Variants in TLCD4 observed in about 807,000 individuals in gnomAD.
TLCD4 encodes TLC domain-containing protein 4.
Under a neutral mutation model 24.2 loss-of-function variants are expected in TLCD4, and 7 were observed. The observed-to-expected ratio is 0.29, with a 90% CI of 0.16 to 0.54. The LOEUF (loss-of-function observed/expected upper bound fraction) is 0.54, where lower values mean the gene tolerates loss of function less well. Ranked by LOEUF, TLCD4 falls within the 20% of genes least tolerant of loss-of-function variation. The pLI, the probability that TLCD4 is intolerant of heterozygous loss-of-function variation, is 0.95. For missense variants in TLCD4, 259 were observed against 313.9 expected (o/e 0.82, Z 1.32); for synonymous variants, 103 against 106.4 (o/e 0.97, Z 0.20).
At chr1:95,191,037 G>A (rs1468509752) in intron 6 of TLCD4, among the ~76,000 whole-genome samples, 1 of 152,048 alleles carries the variant, frequency 6.6e-6, no homozygotes, top group Admixed American at 6.5e-5. Flanking sequence ...ATCTAAAATA[G>A]CACCACCAGA....
the TLCD4 span, among the ~76,000 whole-genome samples, chr1:95,103,793 A>C: frequency 6.6e-6 from 1 of 152,204 alleles, no homozygotes; most frequent in Non-Finnish European, 1.5e-5. Context: ...CAGAATTTAC[A>C]CAATTGTTTT....
the TLCD4 span, among the ~76,000 whole-genome samples, chr1:95,102,777 C>A: frequency 6.6e-6 from 1 of 151,998 alleles, no homozygotes; most frequent in African/African-American, 2.4e-5. Context: ...AGCTAAGAAT[C>A]AAAGCAGAAA....
intron 6 of TLCD4, among the ~76,000 whole-genome samples, chr1:95,190,279 T>G (rs1678981465): frequency 6.6e-6 from 1 of 151,710 alleles, no homozygotes; most frequent in Non-Finnish European, 1.5e-5. Flanking sequence ...AATTTTGTAT[T>G]TTTAGTAGAG....
chr1:95,149,971 A>G (rs1217247107), intron 3 of TLCD4, among the ~76,000 whole-genome samples: 1 of 152,178 alleles, frequency 6.6e-6, no homozygotes, highest in Non-Finnish European at 1.5e-5. Context: ...CTTTGTAACT[A>G]TCTTACTATG....
At chr1:95,133,332 T>C (rs1676949185) in intron 1 of TLCD4, among the ~76,000 whole-genome samples, 1 of 151,546 alleles carries the variant, frequency 6.6e-6, no homozygotes, top group African/African-American at 2.4e-5. Context: ...CATGTATACA[T>C]ATGTAACAAA....
upstream of TLCD4, among the ~76,000 whole-genome samples, chr1:95,114,147 A>G (rs186728397): frequency 2.0e-5 from 3 of 152,160 alleles, no homozygotes; most frequent in East Asian, 5.8e-4. Context: ...GCAGCCTCCA[A>G]CTCCTGGTCT....
chr1:95,188,741 T>G (rs1428120185), intron 6 of TLCD4, among the ~76,000 whole-genome samples: 1 of 152,340 alleles, frequency 6.6e-6, no homozygotes, highest in Middle Eastern at 3.4e-3. Flanking sequence ...TTGAGCACTT[T>G]CTTGCTCTCT....
intron 6 of TLCD4, among the ~76,000 whole-genome samples, chr1:95,184,143 A>T (rs191440157): frequency 1.1e-4 from 16 of 152,304 alleles, no homozygotes; most frequent in Admixed American, 3.9e-4. Flanking sequence ...CCAAATCCTT[A>T]TTGGAGTTTT....
intron 5 of TLCD4, among the ~76,000 whole-genome samples, chr1:95,153,641 C>T (rs562402045): frequency 6.6e-6 from 1 of 152,220 alleles, no homozygotes; most frequent in South Asian, 2.1e-4. Context: ...ACGTAGTTTG[C>T]CCAGTCAGAC....
chr1:95,157,634 C>T (rs1296149713), intron 5 of TLCD4, among the ~76,000 whole-genome samples: 3 of 152,198 alleles, frequency 2.0e-5, no homozygotes. Flanking sequence ...TGTTAAATGG[C>T]AGTTGAGGCT....
chr1:95,184,684 C>T (rs6692825), intron 6 of TLCD4, among the ~76,000 whole-genome samples: 46,541 of 151,958 alleles, frequency 0.31, 8,269 homozygotes, highest in East Asian at 0.62. Flanking sequence ...GAAAGTGTTG[C>T]TGTTCTTCTT....
At chr1:95,136,897 G>A (rs1456846824) in intron 1 of TLCD4, among the ~76,000 whole-genome samples, 1 of 152,154 alleles carries the variant, frequency 6.6e-6, no homozygotes, top group Non-Finnish European at 1.5e-5. Context: ...CCACAGAGAA[G>A]GGCTGGTTGG....
the TLCD4 span, among the ~76,000 whole-genome samples, chr1:95,099,443 G>T: frequency 1.3e-5 from 2 of 151,884 alleles, no homozygotes; most frequent in East Asian, 1.9e-4. Context: ...TCTACACATG[G>T]TTAGTCATTT....
chr1:95,167,613 C>T (rs1678065184), intron 5 of TLCD4, among the ~76,000 whole-genome samples: 1 of 152,046 alleles, frequency 6.6e-6, no homozygotes, highest in Non-Finnish European at 1.5e-5. Context: ...TAATCTAAGC[C>T]CAGGGCATAA....
At chr1:95,096,395 T>G in the TLCD4 span, among the ~76,000 whole-genome samples, 1 of 152,210 alleles carries the variant, frequency 6.6e-6, no homozygotes, top group Admixed American at 6.5e-5. Context: ...ATTTACTGTA[T>G]GATTCTTTAA....
At chr1:95,184,446 C>T (rs968001549) in intron 6 of TLCD4, among the ~76,000 whole-genome samples, 30 of 151,694 alleles carry the variant, frequency 2.0e-4, no homozygotes, top group African/African-American at 6.8e-4. Context: ...TACACTTTTT[C>T]TAGTTTTTAC....
chr1:95,104,578 T>C, the TLCD4 span, among the ~76,000 whole-genome samples: 1 of 142,766 alleles, frequency 7.0e-6, no homozygotes, highest in East Asian at 2.1e-4. Context: ...GGCAGACGAG[T>C]GGCATGAACT....
At chr1:95,150,391 A>C (rs1165175322) in intron 4 of TLCD4, 125 bp downstream of exon 4, 1 of 1,183,096 alleles carries the variant, frequency 8.5e-7, no homozygotes, top group Non-Finnish European at 1.2e-6. Flanking sequence ...CAGAGGAAAA[A>C]AATACCTCCC....
At chr1:95,185,492 A>G (rs569412289) in intron 6 of TLCD4, among the ~76,000 whole-genome samples, 2 of 152,236 alleles carry the variant, frequency 1.3e-5, no homozygotes, top group East Asian at 3.9e-4. Context: ...TTTTTTCAAT[A>G]AAATTTGCAC....
Sources: gnomAD v4.1 joint callset for allele counts (sites outside exome capture counted in the v4.1 genomes callset) on GRCh38, gnomAD v4.1.1 for gene constraint, MANE v1.5 for transcripts, NCBI Gene and HGNC (gene_info 2026-07-23, HGNC 2026-07-21) for gene names.